IFNGR1: variants seen among roughly 807,000 people sequenced by gnomAD.
IFNGR1 encodes AVP, type 2.
Under a neutral mutation model 35.4 loss-of-function variants are expected in IFNGR1, and 23 were observed. The ratio of observed to expected loss-of-function variants is 0.65; its 90% CI spans 0.47 to 0.92. The LOEUF is 0.92. Among genes scored for constraint, IFNGR1 ranks in the 40% least tolerant of loss-of-function variants. The pLI is 0.00. For synonymous variants in IFNGR1, 199 were observed against 209.5 expected (o/e 0.95, Z 0.43); for missense variants, 533 against 583.4 (o/e 0.91, Z 0.89).
At position 137,204,400 on chromosome 6, in the gene IFNGR1, C is replaced by T. The variant is rs774732146; in HGVS notation, c.478G>A (p.Asp160Asn). The part of the protein sequence containing the change: ...VFVNGDEQEV[D>N]YDPETTCYIR... ...TAACAGGTAGTTTCGGGATCATAAT[C>T]GACTTCCTGCTCGTCTCCATTTACA... The change falls in exon 4 of 7, where the codon GAT becomes AAT. Residue 160 changes from aspartate to asparagine, a missense_variant. Coordinates refer to ENST00000367739, the MANE Select transcript of IFNGR1 (RefSeq NM_000416.3). 10 of 1,613,848 alleles carry T rather than the reference C, an allele frequency of 6.2e-6. No homozygotes were observed. The highest frequency in any genetic ancestry group is 1.7e-4 in the Middle Eastern group (1 of 6,058).
At chr6:137,200,790 T>C (rs1779259139) in intron 6 of IFNGR1, 91 bp downstream of exon 6, 3 of 1,106,698 alleles carry the variant, frequency 2.7e-6, no homozygotes, top group Admixed American at 2.5e-5. Context: ...TCTTGTTGAA[T>C]ATCATTCTAC....
Position 137,203,540 on chromosome 6 carries a change from G to A in IFNGR1, c.692C>T (p.Ser231Leu). 6.2e-7 allele frequency: 1 copy of A among 1,612,394 alleles called. No homozygotes were observed. Among genetic ancestry groups the A allele is most frequent in the Non-Finnish European group, 8.5e-7 (1 of 1,178,566 alleles). The change falls in exon 5 of 7, where the codon TCA becomes TTA. Residue 231 changes from serine to leucine, a missense_variant. Physicochemically the swap from Ser to Leu is moderately radical, Grantham distance 145. Transcript: ENST00000367739. ...LHVWGVTTEK[S>L]KEVCITIFNS... The stretch of plus-strand genomic sequence containing the variant: ...GAAAATGGTAATACAAACTTCTTTT[G>A]ACTTTTCAGTTGTAACACCCCACAC...
rs1296466116 is a variant in IFNGR1, at chr6:137,218,771, GAC to G, written c.85+470_85+471del. 1.7e-5 allele frequency: 6 copies of G among 348,646 alleles called. No homozygotes were observed. The East Asian group carries it at 2.2e-4, about 13-fold the overall frequency. The allele number at this position is 348,646 out of a possible 1,614,324, so 21.6% of individuals were successfully genotyped here. Reference sequence around the variant, plus strand: ...AGTAGAAACCCAGACAAACCCAGATGACACAGCCTACTGCTCTTAGGTCATGA... The same window carrying G: ...AGTAGAAACCCAGACAAACCCAGATGACAGCCTACTGCTCTTAGGTCATGA... On this transcript the variant is annotated intron_variant, in intron 1 of 6. Transcript: ENST00000367739.
chr6:137,207,828 T>C (rs745983262), intron 1 of IFNGR1, among the ~76,000 whole-genome samples: 5 of 151,770 alleles, frequency 3.3e-5, no homozygotes, highest in Non-Finnish European at 5.9e-5. Context: ...ACCAGCAGAG[T>C]GGGGCATTGC....
intron 1 of IFNGR1, among the ~76,000 whole-genome samples, chr6:137,214,986 A>G (rs1403540387): frequency 2.0e-5 from 3 of 152,216 alleles, no homozygotes; most frequent in Non-Finnish European, 2.9e-5. Flanking sequence ...ATTTAAAGAT[A>G]TATTTGTTAA....
chr6:137,201,088 T>C, intron 5 of IFNGR1, 80 bp from the exon 6 acceptor site: 1 of 1,435,144 alleles, frequency 7.0e-7, no homozygotes, highest in Admixed American at 1.7e-5. Context: ...GTGCCATTCT[T>C]GAATAGATTT....
chr6:137,209,519 C>T (rs763941263), intron 1 of IFNGR1, among the ~76,000 whole-genome samples: 9 of 152,224 alleles, frequency 5.9e-5, no homozygotes, highest in Middle Eastern at 3.4e-3. Context: ...GTAAGTCTCA[C>T]GAGATCTGAT....
intron 1 of IFNGR1, among the ~76,000 whole-genome samples, chr6:137,214,605 T>C (rs1779648685): frequency 6.6e-6 from 1 of 152,200 alleles, no homozygotes; most frequent in African/African-American, 2.4e-5. Context: ...CCAATAAATA[T>C]CTGCTCAGCC....
chr6:137,209,294 T>C (rs1208552138), intron 1 of IFNGR1, among the ~76,000 whole-genome samples: 1 of 152,176 alleles, frequency 6.6e-6, no homozygotes, highest in African/African-American at 2.4e-5. Context: ...GTTAAGACTT[T>C]GGGAGACTGT....
At chr6:137,219,063 A>G (rs985790185) in intron 1 of IFNGR1, 180 bp downstream of exon 1, 1 of 718,194 alleles carries the variant, frequency 1.4e-6, no homozygotes, top group Non-Finnish European at 2.3e-6. Flanking sequence ...CGACGAGTTC[A>G]AACCACGGAG....
rs1779264293 is a variant in IFNGR1, at chr6:137,200,974, T to C, written c.768A>G (p.Leu256=). 1 of 1,612,894 alleles carries C rather than the reference T, an allele frequency of 6.2e-7. No individual in the cohort carries two copies. Among genetic ancestry groups the C allele is most frequent in the Non-Finnish European group, 8.5e-7 (1 of 1,179,340 alleles). The change falls in exon 6 of 7, where the codon CTA becomes CTG. Residue 256 remains leucine, a synonymous_variant. Transcript: ENST00000367739. ...ATACCAGGCTAAGCACTAGAAAGAG[T>C]AGTAAAGCAGCAACAACTGGAATCC... ...SLWIPVVAAL[L]LFLVLSLVFI...
chr6:137,202,333 C>T (rs1340052410), intron 5 of IFNGR1, among the ~76,000 whole-genome samples: 2 of 152,112 alleles, frequency 1.3e-5, no homozygotes, highest in Non-Finnish European at 1.5e-5. Context: ...AACAAATCTG[C>T]GGCATTTGCA....
In IFNGR1 at chr6:137,219,222, C is replaced by G. The variant is rs373651059; in HGVS notation, c.85+21G>C. The G allele has an allele frequency of 1.9e-6, 3 of 1,598,182 alleles. No individual in the cohort carries two copies. In the South Asian group the frequency reaches 3.4e-5, roughly 18 times the overall value. On this transcript the variant is annotated intron_variant, in intron 1 of 6. Transcript: ENST00000367739. Reference sequence around the variant, plus strand: ...CCCTCTCGTCCCGACCCGGCCGCAGCCCTGCCGCGAACGACGGTACCTGAG... The same window carrying G: ...CCCTCTCGTCCCGACCCGGCCGCAGGCCTGCCGCGAACGACGGTACCTGAG...
At chr6:137,209,782 A>ACC (rs985571515) in intron 1 of IFNGR1, 4 of 398,858 alleles carry the variant, frequency 1.0e-5, no homozygotes, top group African/African-American at 8.2e-5. Flanking sequence ...AATACCATCA[A>ACC]CCTCTCAACT....
intron 6 of IFNGR1, among the ~76,000 whole-genome samples, chr6:137,199,137 G>T (rs1321620819): frequency 6.6e-6 from 1 of 151,586 alleles, no homozygotes; most frequent in African/African-American, 2.4e-5. Flanking sequence ...AATGCTTCCT[G>T]CCCTTGAACA....
Position 137,218,653 on chromosome 6 carries a change from T to C in IFNGR1, c.85+590A>G, listed in dbSNP as rs371882358. The stretch of plus-strand genomic sequence containing the variant: ...CACGAACTGAGACCACGATGCCACA[T>C]GCTGATCAGGACACTCACAGTCATG... On this transcript the variant is annotated intron_variant, in intron 1 of 6. Transcript: ENST00000367739. 14 of 367,910 alleles carry C rather than the reference T, an allele frequency of 3.8e-5. No individual in the cohort carries two copies. In the East Asian group the frequency reaches 1.1e-3, roughly 29 times the overall value. 22.8% of individuals were successfully genotyped at this position (367,910 alleles called of 1,614,324 possible).
chr6:137,212,545 C>T (rs552334163), intron 1 of IFNGR1, among the ~76,000 whole-genome samples: 4 of 152,182 alleles, frequency 2.6e-5, no homozygotes, highest in Non-Finnish European at 4.4e-5. Context: ...TGTGAGCCAC[C>T]GGGCCCAGCC....
intron 1 of IFNGR1, among the ~76,000 whole-genome samples, chr6:137,210,537 T>C (rs369919623): frequency 6.6e-6 from 1 of 152,198 alleles, no homozygotes. Flanking sequence ...AATAAATGAA[T>C]GTCCATGTGG....
At chr6:137,204,228 T>C (rs1779370116) in intron 4 of IFNGR1, 104 bp downstream of exon 4, 4 of 963,692 alleles carry the variant, frequency 4.2e-6, no homozygotes, top group Non-Finnish European at 5.0e-6. Context: ...TCTGTGAGTC[T>C]TGCTTGAATA....
Sources: gnomAD v4.1 joint callset for allele counts (sites outside exome capture counted in the v4.1 genomes callset) on GRCh38, gnomAD v4.1.1 for gene constraint, MANE v1.5 for transcripts, NCBI Gene and HGNC (gene_info 2026-07-23, HGNC 2026-07-21) for gene names.